The following RAB11FIP3 variants were observed in gnomAD, a reference collection of about 807,000 sequenced individuals.
The protein encoded by RAB11FIP3 is RAB11 family interacting protein 3.
In RAB11FIP3, 17 loss-of-function variants were observed where a neutral mutation model predicts 77.8. That is an observed-to-expected ratio of 0.22 (90% CI 0.15 to 0.33). The LOEUF (loss-of-function observed/expected upper bound fraction) is 0.33, where lower values mean the gene tolerates loss of function less well. Among genes scored for constraint, RAB11FIP3 ranks in the 10% least tolerant of loss-of-function variants. The pLI, the probability that RAB11FIP3 is intolerant of heterozygous loss-of-function variation, is 1.00. For synonymous variants in RAB11FIP3, 437 were observed against 448.2 expected, an observed-to-expected ratio of 0.98 and a Z score of 0.31; for missense variants, 1,005 against 1,011.2, an observed-to-expected ratio of 0.99 and a Z score of 0.08.
chr16:426,323 C>A lies in RAB11FIP3; in HGVS notation c.317C>A (p.Pro106Gln), dbSNP rs1417850815. Residue 106 changes from proline (P) to glutamine (Q), a missense_variant, in exon 1 of 14, where the codon CCG (proline) becomes CAG (glutamine). Coordinates refer to ENST00000262305, the MANE Select transcript of RAB11FIP3 (RefSeq NM_014700.4). The surrounding 1 kb of genome is among the most constrained non-coding windows in gnomAD (Gnocchi z 5.0). ...GGGCAGCTTGCGAGCCCCGACGCCC[C>A]GGGCCCAGGGCCGCGCTCCGAAGCG... is the stretch of plus-strand genomic sequence containing the variant. The part of the protein sequence containing the change: ...PRGQLASPDA[P>Q]GPGPRSEAPL... 2 of 1,407,444 alleles carry A rather than the reference C, an allele frequency of 1.4e-6. No individual in the cohort carries two copies. Among genetic ancestry groups the A allele is most frequent in the Non-Finnish European group, 1.9e-6 (2 of 1,075,166 alleles). The allele number at this position is 1,407,444 out of a possible 1,614,324, so 87.2% of individuals were successfully genotyped here. A position where few individuals can be genotyped will look rare whatever the true frequency, so the allele number is the denominator to read the frequency against.
At chr16:469,394 G>T (rs7196655) in intron 2 of RAB11FIP3, among the ~76,000 whole-genome samples, 86,174 of 150,790 alleles carry the variant, frequency 0.57, 24,633 homozygotes, top group Middle Eastern at 0.66. Flanking sequence ...TATTTTAAAT[G>T]TATTATTTAT....
intron 2 of RAB11FIP3, among the ~76,000 whole-genome samples, chr16:465,376 T>C (rs1362516924): frequency 6.6e-6 from 1 of 152,212 alleles, no homozygotes; most frequent in Non-Finnish European, 1.5e-5. Context: ...TAAGACAGCC[T>C]GTACTTCTTG....
At chr16:437,339 C>T (rs763236029) in intron 1 of RAB11FIP3, among the ~76,000 whole-genome samples, 5 of 148,672 alleles carry the variant, frequency 3.4e-5, no homozygotes, top group African/African-American at 7.5e-5. Context: ...GAGGCCGAGG[C>T]GGGCGGATCA....
intron 1 of RAB11FIP3, among the ~76,000 whole-genome samples, chr16:440,901 C>T (rs2055213843): frequency 6.6e-6 from 1 of 152,144 alleles, no homozygotes; most frequent in Admixed American, 6.5e-5. Flanking sequence ...CTCCTTCAGC[C>T]CTCCTCCAGA....
chr16:468,229 AGGGAGGAGGTGCTGGG>A (rs2055747015), intron 2 of RAB11FIP3, among the ~76,000 whole-genome samples: 1 of 126,026 alleles, frequency 7.9e-6, no homozygotes, highest in Non-Finnish European at 1.7e-5. Context: ...CTGGGGCGTC[AGGGAGGAGGTGCTGGG>A]GCGTCAGGGA....
rs1384219518 is a variant in RAB11FIP3 at position 520,146 on chromosome 16, C to T, written c.1885C>T (p.Leu629=). Residue 629 remains leucine, a synonymous_variant, in exon 12 of 14, where the codon CTG becomes TTG. Transcript: ENST00000262305. ...QELIEDLRKQ[L]EHLQLLKLEA... is the part of the protein sequence containing the mutation. ...GCTGATCGAGGACCTCCGAAAGCAG[C>T]TGGAGCACCTGCAGCTCCTCAAGCT... 6.5e-7 allele frequency: 1 copy of T among 1,546,250 alleles called. No homozygotes were observed. The highest frequency in any genetic ancestry group is 8.7e-7 in the Non-Finnish European group (1 of 1,147,744).
intron 1 of RAB11FIP3, among the ~76,000 whole-genome samples, chr16:443,571 G>GGTT (rs552854171): frequency 6.6e-6 from 1 of 152,102 alleles, no homozygotes; most frequent in Non-Finnish European, 1.5e-5. Context: ...TGGTGGTGGT[G>GGTT]GTTGTTGTTG....
At chr16:503,129 T>C (rs941843908) in intron 7 of RAB11FIP3, 32 bp downstream of exon 7, 5 of 1,548,482 alleles carry the variant, frequency 3.2e-6, no homozygotes, top group Admixed American at 3.5e-5. Context: ...AGGTGGCAAG[T>C]AGGGGATTTA....
At chr16:465,068 C>T (rs2141662257) in intron 2 of RAB11FIP3, among the ~76,000 whole-genome samples, 1 of 152,242 alleles carries the variant, frequency 6.6e-6, no homozygotes, top group South Asian at 2.1e-4. Flanking sequence ...CCCCTGAGTT[C>T]ATGGAGGTGC....
chr16:485,221 G>A (rs1042320968), intron 4 of RAB11FIP3, among the ~76,000 whole-genome samples: 2 of 152,282 alleles, frequency 1.3e-5, no homozygotes, highest in Middle Eastern at 3.4e-3. Context: ...CTGTGTCCCA[G>A]TGAAACAATT....
intron 2 of RAB11FIP3, among the ~76,000 whole-genome samples, chr16:468,226 G>A (rs1446810246): frequency 3.1e-5 from 4 of 128,856 alleles, no homozygotes; most frequent in Non-Finnish European, 5.1e-5. Flanking sequence ...GTGCTGGGGC[G>A]TCAGGGAGGA....
Position 505,471 on chromosome 16 carries a change from C to T in RAB11FIP3, c.1396-53C>T, listed in dbSNP as rs908082409. ...CTCCCAGGTTGTTCCCTTGGGGGTG[C>T]AGGCCCTTCTGCTTCTGGCTGCCTG... On this transcript the variant is annotated intron_variant, in intron 7 of 13. Transcript: ENST00000262305. The surrounding 1 kb of genome is among the most constrained non-coding windows in gnomAD (Gnocchi z 4.0). The T allele has an allele frequency of 6.8e-7, 1 of 1,460,134 alleles. No individual in the cohort carries two copies. Among genetic ancestry groups the T allele is most frequent in the Non-Finnish European group, 9.4e-7 (1 of 1,068,504 alleles). The allele number at this position is 1,460,134 out of a possible 1,614,324, so 90.4% of individuals were successfully genotyped here. A position where few individuals can be genotyped will look rare whatever the true frequency, so the allele number is the denominator to read the frequency against.
intron 4 of RAB11FIP3, among the ~76,000 whole-genome samples, chr16:486,406 C>T (rs1387572295): frequency 6.6e-6 from 1 of 152,176 alleles, no homozygotes; most frequent in Admixed American, 6.5e-5. Flanking sequence ...GCAGGAGAAT[C>T]GCTTGAACCC....
At chr16:456,387 T>G (rs2055503582) in intron 1 of RAB11FIP3, among the ~76,000 whole-genome samples, 1 of 150,014 alleles carries the variant, frequency 6.7e-6, no homozygotes, top group African/African-American at 2.5e-5. Context: ...TTGCAGTGAG[T>G]TGAGATTGTG....
chr16:509,366 C>T (rs1028351861), intron 8 of RAB11FIP3, among the ~76,000 whole-genome samples: 1 of 152,244 alleles, frequency 6.6e-6, no homozygotes, highest in Non-Finnish European at 1.5e-5. Flanking sequence ...TCATGTGTCT[C>T]CCTGGGTCCT....
chr16:426,474 C>A lies in RAB11FIP3; in HGVS notation c.468C>A (p.Gly156=), dbSNP rs1429686068. Residue 156 remains glycine, a synonymous_variant, in exon 1 of 14, where the codon GGC becomes GGA. Transcript: ENST00000262305. The surrounding 1 kb of genome is among the most constrained non-coding windows in gnomAD (Gnocchi z 5.0). The stretch of plus-strand genomic sequence containing the variant: ...CCAGCAGCAGCCACCGAGCGCGGGG[C>A]GAGGTCGACGTCTTCTCTCCCTTCC... ...QGSSSSHRAR[G]EVDVFSPFPA... is the part of the protein sequence containing the mutation. The A allele has an allele frequency of 6.3e-7, 1 of 1,580,152 alleles. No homozygotes were observed. The highest frequency in any genetic ancestry group is 8.6e-7 in the Non-Finnish European group (1 of 1,164,118).
intron 2 of RAB11FIP3, among the ~76,000 whole-genome samples, chr16:465,896 C>T (rs1394059177): frequency 3.3e-5 from 5 of 152,294 alleles, no homozygotes; most frequent in East Asian, 3.9e-4. Context: ...TGAGCCACCG[C>T]GCCCGGCCAG....
chr16:517,774 CTTT>C (rs915298144), intron 9 of RAB11FIP3, among the ~76,000 whole-genome samples: 17 of 152,104 alleles, frequency 1.1e-4, no homozygotes, highest in African/African-American at 3.6e-4. Flanking sequence ...TCTGCTACTT[CTTT>C]TTTTCTTTTT....
At position 520,220 on chromosome 16, in the gene RAB11FIP3, G is replaced by A. The variant is rs1387026313; in HGVS notation, c.1959G>A (p.Glu653=). 1.1e-5 allele frequency: 17 copies of A among 1,545,862 alleles called. No homozygotes were observed. The highest frequency in any genetic ancestry group is 1.4e-5 in the Non-Finnish European group (16 of 1,147,970). Residue 653 remains glutamate, a synonymous_variant, in exon 12 of 14, where the codon GAG becomes GAA. Coordinates refer to ENST00000262305, the MANE Select transcript of RAB11FIP3 (RefSeq NM_014700.4). ...GCAGCAGCAGCATGGGCCTGCAGGA[G>A]TACCACAGCCGCGCCCGGGAGAGCG... ...RGRSSSMGLQ[E]YHSRARESEL... is the part of the protein sequence containing the mutation.
Sources: allele counts gnomAD v4.1 joint callset (sites outside exome capture counted in the v4.1 genomes callset), GRCh38; gene constraint gnomAD v4.1.1; non-coding constraint Gnocchi (gnomAD v3.1); transcripts MANE v1.5; gene names NCBI Gene and HGNC (gene_info 2026-07-23, HGNC 2026-07-21).